The following INTS2 variants were observed in gnomAD, a reference collection of about 807,000 sequenced individuals.
INTS2 encodes integrator complex subunit 2.
In INTS2, 57 loss-of-function variants were observed where a neutral mutation model predicts 139.6. That is an observed-to-expected ratio of 0.41 (90% confidence interval 0.33 to 0.51). The LOEUF (loss-of-function observed/expected upper bound fraction) is 0.51, where lower values mean the gene tolerates loss of function less well. Among genes scored for constraint, INTS2 ranks in the 20% least tolerant of loss-of-function variants. The pLI is 0.28. For missense variants in INTS2, 1,196 were observed against 1,436.7 expected (o/e 0.83, Z 2.71); for synonymous variants, 473 against 493.4 (o/e 0.96, Z 0.55).
At chr17:61,891,454 T>G in intron 14 of INTS2, 59 bp downstream of exon 14, 1 of 1,286,532 alleles carries the variant, frequency 7.8e-7, no homozygotes, top group South Asian at 1.3e-5. Context: ...AAATATGGGT[T>G]AAGTAAGAAG....
At chr17:61,891,305 T>TC (rs2079290892) in intron 14 of INTS2, among the ~76,000 whole-genome samples, 1 of 151,462 alleles carries the variant, frequency 6.6e-6, no homozygotes, top group South Asian at 2.1e-4. Context: ...AGAGTAAAAC[T>TC]CCATCTCAAA....
chr17:61,867,513 T>C lies in INTS2; in HGVS notation c.*44A>G, dbSNP rs1567884617. 8.2e-7 allele frequency: 1 copy of C among 1,226,660 alleles called. No homozygotes were observed. Among genetic ancestry groups the C allele is most frequent in the East Asian group, 2.4e-5 (1 of 42,292 alleles). 76.0% of individuals were successfully genotyped at this position (1,226,660 alleles called of 1,614,324 possible). ...TTGTTACTAATATGCAGATTCATGT[T>C]GGGTATATGCAGCAAACAACTTTTT... On this transcript the variant is annotated 3_prime_UTR_variant, in exon 25 of 25. Coordinates refer to ENST00000251334, the MANE Select transcript of INTS2 (RefSeq NM_001351695.2). The surrounding 1 kb of genome is among the most constrained non-coding windows in gnomAD (Gnocchi z 5.6).
intron 9 of INTS2, 129 bp downstream of exon 9, chr17:61,904,331 C>A: frequency 1.5e-6 from 1 of 663,734 alleles, no homozygotes. Flanking sequence ...TTGGAAAAAA[C>A]AAAACAAAAC....
chr17:61,917,511 G>C (rs2079594855), intron 5 of INTS2, among the ~76,000 whole-genome samples: 2 of 152,146 alleles, frequency 1.3e-5, no homozygotes, highest in Non-Finnish European at 2.9e-5. Flanking sequence ...TCCCATCCTA[G>C]GCAAATTAAC....
In INTS2 at chr17:61,888,535, G is replaced by A. The variant is rs1485994228; in HGVS notation, c.1984+1251C>T. On this transcript the variant is annotated intron_variant, in intron 15 of 24. Coordinates refer to ENST00000251334, the MANE Select transcript of INTS2 (RefSeq NM_001351695.2). ...ACTAAGTTTCAAAGCCCATTTCAGT[G>A]ACATTCTCTGTGTGCGTGTGTGTGC... Among the ~76,000 whole-genome samples, 3 of 150,636 alleles carry A rather than the reference G, an allele frequency of 2.0e-5. No individual in the cohort carries two copies. The Admixed American group carries it at 2.0e-4, about 10-fold the overall frequency.
At position 61,876,446 on chromosome 17, in the gene INTS2, A is replaced by G. The variant is rs917552927; in HGVS notation, c.2457-1408T>C. Among the ~76,000 whole-genome samples, 25 of 152,020 alleles carry G rather than the reference A, an allele frequency of 1.6e-4. No homozygotes were observed. The highest frequency in any genetic ancestry group is 6.0e-4 in the African/African-American group (25 of 41,398). On this transcript the variant is annotated intron_variant, in intron 18 of 24. Coordinates refer to ENST00000251334, the MANE Select transcript of INTS2 (RefSeq NM_001351695.2). The surrounding 1 kb of genome is among the most constrained non-coding windows in gnomAD (Gnocchi z 4.1). Reference sequence around the variant, plus strand: ...GAAAGCTCTGAAAGGAATGTCTCCAAGAAAAAAAAAATAGTGTTTCTTTTG... The same window carrying G: ...GAAAGCTCTGAAAGGAATGTCTCCAGGAAAAAAAAAATAGTGTTTCTTTTG...
chr17:61,911,833 G>C, intron 6 of INTS2, 107 bp downstream of exon 6: 1 of 1,409,596 alleles, frequency 7.1e-7, no homozygotes, highest in Non-Finnish European at 9.7e-7. Context: ...AACATATCCA[G>C]TATATAAATA....
chr17:61,906,995 A>T (rs2143079837), intron 8 of INTS2, among the ~76,000 whole-genome samples: 1 of 144,152 alleles, frequency 6.9e-6, no homozygotes, highest in Admixed American at 7.1e-5. Flanking sequence ...CATTGTACTT[A>T]TTAATCACAT....
At position 61,867,400 on chromosome 17, in the gene INTS2, C is replaced by T. The variant is rs941307630; in HGVS notation, c.*157G>A. The stretch of plus-strand genomic sequence containing the variant: ...CAATCAGAAACAAGCAAGCATAATT[C>T]TCATAAAGTTCTAAACTATACTCAT... On this transcript the variant is annotated 3_prime_UTR_variant, in exon 25 of 25. Transcript: ENST00000251334. The surrounding 1 kb of genome is among the most constrained non-coding windows in gnomAD (Gnocchi z 5.6). The T allele has an allele frequency of 6.8e-6, 3 of 438,236 alleles. No individual in the cohort carries two copies. Among genetic ancestry groups the T allele is most frequent in the Non-Finnish European group, 1.2e-5 (3 of 250,342 alleles). The allele number at this position is 438,236 out of a possible 1,614,324, so 27.1% of individuals were successfully genotyped here.
chr17:61,923,008 C>T (rs1003076127), intron 3 of INTS2, among the ~76,000 whole-genome samples: 15 of 151,522 alleles, frequency 9.9e-5, no homozygotes, highest in African/African-American at 3.6e-4. Context: ...ACCCAGGAGG[C>T]AAAGGTTGCA....
intron 1 of INTS2, among the ~76,000 whole-genome samples, 199 bp from the exon 2 acceptor site, chr17:61,926,861 T>A (rs914890340): frequency 5.3e-5 from 8 of 152,186 alleles, no homozygotes; most frequent in African/African-American, 1.9e-4. Flanking sequence ...AAACAGAGTA[T>A]ATTAATGTCT....
At chr17:61,881,468 G>A (rs978657219) in intron 16 of INTS2, among the ~76,000 whole-genome samples, 1 of 152,136 alleles carries the variant, frequency 6.6e-6, no homozygotes, top group African/African-American at 2.4e-5. Context: ...GTGTTGTTGG[G>A]TGCCTGTAAT....
In INTS2 at chr17:61,873,399, A is replaced by T. The variant is rs1603372127; in HGVS notation, c.2583-939T>A. Among the ~76,000 whole-genome samples, 1 of 152,158 alleles carries T rather than the reference A, an allele frequency of 6.6e-6. No homozygotes were observed. The highest frequency in any genetic ancestry group is 1.5e-5 in the Non-Finnish European group (1 of 68,038). On this transcript the variant is annotated intron_variant, in intron 19 of 24. Transcript: ENST00000251334. This position sits in a 1 kb window ranked among gnomAD's most constrained non-coding sequence, Gnocchi z 4.0. Reference sequence around the variant, plus strand: ...ATTTGAAATAAGAACATTAACATGAAAAAAGGTTCACAAGTTGTTAAGTGA... The same window carrying T: ...ATTTGAAATAAGAACATTAACATGATAAAAGGTTCACAAGTTGTTAAGTGA...
chr17:61,883,182 A>C (rs1567894204), intron 16 of INTS2, among the ~76,000 whole-genome samples: 1 of 152,168 alleles, frequency 6.6e-6, no homozygotes, highest in African/African-American at 2.4e-5. Flanking sequence ...ATCAATTGCC[A>C]AATGCTGTTA....
chr17:61,912,800 G>A (rs1381424189), intron 5 of INTS2, among the ~76,000 whole-genome samples: 3 of 151,772 alleles, frequency 2.0e-5, no homozygotes, highest in African/African-American at 4.8e-5. Flanking sequence ...AACCAGGGCC[G>A]GGTGCAGTGG....
At chr17:61,883,734 A>G (rs919762734) in intron 16 of INTS2, among the ~76,000 whole-genome samples, 1 of 151,604 alleles carries the variant, frequency 6.6e-6, no homozygotes, top group African/African-American at 2.4e-5. Context: ...CCTGTGAGAC[A>G]AGAGCGAAAC....
At chr17:61,921,938 A>G (rs541356466) in intron 3 of INTS2, 111 bp from the exon 4 acceptor site, 27 of 588,784 alleles carry the variant, frequency 4.6e-5, no homozygotes, top group South Asian at 3.1e-4. Flanking sequence ...TGTATCACTA[A>G]TATACCACAG....
chr17:61,874,908 T>C lies in INTS2; in HGVS notation c.2582+5A>G. The C allele has an allele frequency of 6.4e-7, 1 of 1,569,126 alleles. No individual in the cohort carries two copies. The highest frequency in any genetic ancestry group is 8.6e-7 in the Non-Finnish European group (1 of 1,159,124). ...TAATAAAAATGAAACTCAAATGACA[T>C]GTACCTGTGAACCCTCTGATCACAC... On this transcript the variant is annotated splice_donor_5th_base_variant and intron_variant, in intron 19 of 24. Coordinates refer to ENST00000251334, the MANE Select transcript of INTS2 (RefSeq NM_001351695.2).
At position 61,876,168 on chromosome 17, in the gene INTS2, T is replaced by A. The variant is rs955377789; in HGVS notation, c.2457-1130A>T. On this transcript the variant is annotated intron_variant, in intron 18 of 24. Coordinates refer to ENST00000251334, the MANE Select transcript of INTS2 (RefSeq NM_001351695.2). This position sits in a 1 kb window ranked among gnomAD's most constrained non-coding sequence, Gnocchi z 4.1. ...GGGTGACAAAGCAAGACCCTGTATC[T>A]AAAAAGTAAAAATAAAAAATAATTT... 6.6e-6 allele frequency among the ~76,000 whole-genome samples: 1 copy of A among 152,060 alleles called. No homozygotes were observed. Among genetic ancestry groups the A allele is most frequent in the African/African-American group, 2.4e-5 (1 of 41,404 alleles).
Sources: allele counts gnomAD v4.1 joint callset (sites outside exome capture counted in the v4.1 genomes callset), GRCh38; gene constraint gnomAD v4.1.1; non-coding constraint Gnocchi (gnomAD v3.1); transcripts MANE v1.5; gene names NCBI Gene and HGNC (gene_info 2026-07-23, HGNC 2026-07-21).